Variants in PRKG1 observed in about 807,000 individuals in gnomAD.
PRKG1 encodes the protein cGMP-dependent protein kinase 1.
Under a neutral mutation model 88.1 loss-of-function variants are expected in PRKG1, and 35 were observed. That is an observed-to-expected ratio of 0.40 (90% confidence interval 0.30 to 0.53). The LOEUF (loss-of-function observed/expected upper bound fraction) is 0.53, where lower values mean the gene tolerates loss of function less well. Among genes scored for constraint, PRKG1 ranks in the 20% least tolerant of loss-of-function variants. The probability of loss-of-function intolerance (pLI) is 0.59; values close to 1 mark genes in which losing one functional copy is unlikely to be tolerated. For missense variants in PRKG1, 540 were observed against 839.8 expected, an observed-to-expected ratio of 0.64 and a Z score of 4.41; for synonymous variants, 303 against 292.5, an observed-to-expected ratio of 1.04 and a Z score of -0.37.
At chr10:51,331,524 C>T (rs1191222358) in intron 2 of PRKG1, among the ~76,000 whole-genome samples, 1 of 152,128 alleles carries the variant, frequency 6.6e-6, no homozygotes, top group Non-Finnish European at 1.5e-5. Flanking sequence ...TCTCTTTTCT[C>T]CAAGTAGATG....
intron 9 of PRKG1, among the ~76,000 whole-genome samples, chr10:52,250,916 G>T (rs767134847): frequency 1.3e-5 from 2 of 152,140 alleles, no homozygotes; most frequent in Non-Finnish European, 1.5e-5. Context: ...CACTGAGATT[G>T]CTAGCTGAGA....
intron 2 of PRKG1, among the ~76,000 whole-genome samples, chr10:51,428,921 G>A (rs1157092417): frequency 6.6e-6 from 1 of 152,206 alleles, no homozygotes; most frequent in African/African-American, 2.4e-5. Context: ...GACAGCCATT[G>A]TGTGCATTGA....
intron 2 of PRKG1, among the ~76,000 whole-genome samples, chr10:51,278,274 T>G (rs1020595433): frequency 1.3e-5 from 2 of 152,252 alleles, no homozygotes; most frequent in African/African-American, 4.8e-5. Flanking sequence ...TTTCGTATGT[T>G]GAACCAGCCT....
chr10:52,159,438 T>A (rs990695342), intron 8 of PRKG1, among the ~76,000 whole-genome samples: 1 of 151,576 alleles, frequency 6.6e-6, no homozygotes, highest in Non-Finnish European at 1.5e-5. Flanking sequence ...TATGATATTA[T>A]GAGGTTTAAA....
intron 2 of PRKG1, among the ~76,000 whole-genome samples, chr10:51,321,630 CG>C (rs1331597250): frequency 2.0e-5 from 3 of 151,788 alleles, no homozygotes; most frequent in Non-Finnish European, 2.9e-5. Context: ...AGGGTAGTAG[CG>C]GGGGGATGGT....
intron 3 of PRKG1, among the ~76,000 whole-genome samples, chr10:51,773,572 C>T (rs1316355137): frequency 1.3e-5 from 2 of 152,154 alleles, no homozygotes; most frequent in Admixed American, 1.3e-4. Context: ...AAAACCAGAA[C>T]AAACCTTAAG....
chr10:51,490,182 A>G (rs925543929), intron 3 of PRKG1, among the ~76,000 whole-genome samples: 2 of 152,160 alleles, frequency 1.3e-5, no homozygotes, highest in African/African-American at 4.8e-5. Flanking sequence ...ACAAAGTTAC[A>G]TGTATAGCAG....
chr10:51,951,574 A>G (rs1843186022), intron 5 of PRKG1, among the ~76,000 whole-genome samples: 1 of 152,178 alleles, frequency 6.6e-6, no homozygotes, highest in Admixed American at 6.5e-5. Context: ...TTATTTTTCC[A>G]AAGACCTTAT....
intron 7 of PRKG1, chr10:52,128,538 CAG>C (rs1292350153): frequency 1.0e-6 from 1 of 985,256 alleles, no homozygotes; most frequent in Non-Finnish European, 1.2e-6. Context: ...CAAAGAATAT[CAG>C]AGTCAGTGCA....
chr10:52,024,316 A>ATTTTTT (rs201621834), intron 5 of PRKG1, among the ~76,000 whole-genome samples: 3 of 131,572 alleles, frequency 2.3e-5, no homozygotes, highest in South Asian at 2.4e-4. Context: ...TATTTATTTA[A>ATTTTTT]CTTTTTTTTT....
At chr10:51,295,033 T>C (rs537764536) in intron 2 of PRKG1, among the ~76,000 whole-genome samples, 3 of 152,106 alleles carry the variant, frequency 2.0e-5, no homozygotes, top group South Asian at 2.1e-4. Context: ...CAGTGAGCTA[T>C]GATTGTGCCA....
chr10:52,013,352 G>T (rs1030396351), intron 5 of PRKG1, among the ~76,000 whole-genome samples: 7 of 151,668 alleles, frequency 4.6e-5, no homozygotes, highest in Non-Finnish European at 7.4e-5. Flanking sequence ...CTGGGAGGCG[G>T]AGCTTGCAGT....
intron 2 of PRKG1, among the ~76,000 whole-genome samples, chr10:51,230,846 A>T (rs1838825847): frequency 6.6e-6 from 1 of 151,718 alleles, no homozygotes; most frequent in Non-Finnish European, 1.5e-5. Context: ...AATATATTTG[A>T]TCCATGATTG....
At chr10:51,432,149 A>G (rs1838789905) in intron 2 of PRKG1, among the ~76,000 whole-genome samples, 1 of 152,182 alleles carries the variant, frequency 6.6e-6, no homozygotes, top group Admixed American at 6.6e-5. Flanking sequence ...AGAGCAAAGA[A>G]CCTCAAATCT....
Position 51,798,226 on chromosome 10 carries a change from C to G in PRKG1, c.593-6359C>G, listed in dbSNP as rs568315542. ...TTAATTTTCTCAGGAACCACCATAT[C>G]ATTTTCCACAGTGGCTGCACCATCT... On this transcript the variant is annotated intron_variant, in intron 3 of 17. Transcript: ENST00000373980. 1.5e-3 allele frequency among the ~76,000 whole-genome samples: 225 copies of G among 152,108 alleles called. 2 individuals carry two copies. The highest frequency in any genetic ancestry group is 5.3e-3 in the African/African-American group (219 of 41,526).
At chr10:51,492,593 A>G (rs1840734573) in intron 3 of PRKG1, among the ~76,000 whole-genome samples, 1 of 152,176 alleles carries the variant, frequency 6.6e-6, no homozygotes. Flanking sequence ...TTAATTCCTT[A>G]TTTACATAAG....
chr10:51,723,110 G>T (rs1188811710), intron 3 of PRKG1, among the ~76,000 whole-genome samples: 3 of 152,096 alleles, frequency 2.0e-5, no homozygotes, highest in African/African-American at 7.2e-5. Flanking sequence ...TGTCATAAGT[G>T]GTCACCATAC....
At chr10:51,797,807 G>A (rs11592752) in intron 3 of PRKG1, among the ~76,000 whole-genome samples, 58,974 of 151,026 alleles carry the variant, frequency 0.39, 12,176 homozygotes, top group Middle Eastern at 0.52. Context: ...TCATTTCCCC[G>A]CTCCTTCCCA....
chr10:51,798,899 T>C (rs1839089980), intron 3 of PRKG1, among the ~76,000 whole-genome samples: 1 of 152,064 alleles, frequency 6.6e-6, no homozygotes. Flanking sequence ...CAGCATTCAT[T>C]ATTCCACTAT....
Sources: gnomAD v4.1 joint callset for allele counts (sites outside exome capture counted in the v4.1 genomes callset) on GRCh38, gnomAD v4.1.1 for gene constraint, MANE v1.5 for transcripts, NCBI Gene and HGNC (gene_info 2026-07-23, HGNC 2026-07-21) for gene names.